MPST: variants seen among roughly 807,000 people sequenced by gnomAD.
The protein encoded by MPST is mercaptopyruvate sulfurtransferase.
In MPST, 27 loss-of-function variants were observed where a neutral mutation model predicts 28.5. The ratio of observed to expected loss-of-function variants is 0.95; its 90% CI spans 0.70 to 1.31. The LOEUF is 1.31. Ranked by LOEUF, MPST falls within the 50% of genes most tolerant of loss-of-function variation. The pLI, the probability that MPST is intolerant of heterozygous loss-of-function variation, is 0.00. For missense variants in MPST, 492 were observed against 471.1 expected, an observed-to-expected ratio of 1.04 and a Z score of -0.41; for synonymous variants, 204 against 209.3, an observed-to-expected ratio of 0.97 and a Z score of 0.22.
intron 1 of MPST, among the ~76,000 whole-genome samples, chr22:37,022,883 G>T (rs566842173): frequency 6.6e-6 from 1 of 152,232 alleles, no homozygotes; most frequent in African/African-American, 2.4e-5. Context: ...GTGCCCTGGT[G>T]GGGGCTCAGC....
chr22:37,025,118 A>T, intron 2 of MPST: 1 of 1,438,566 alleles, frequency 7.0e-7, no homozygotes, highest in Admixed American at 2.1e-5. Flanking sequence ...TTTAAAGGCC[A>T]CTGCATGAGG....
At chr22:37,024,080 C>T in intron 1 of MPST, 112 bp from the exon 2 acceptor site, 1 of 1,263,588 alleles carries the variant, frequency 7.9e-7, no homozygotes, top group Non-Finnish European at 1.0e-6. Flanking sequence ...CTGGACTCTG[C>T]CCTGCACGGG....
intron 2 of MPST, 132 bp from the exon 3 acceptor site, chr22:37,029,084 T>A (rs1923712582): frequency 1.2e-6 from 1 of 826,760 alleles, no homozygotes; most frequent in Admixed American, 2.9e-5. Context: ...GAGAATTAAA[T>A]GAGATGGTGG....
rs1192903997 is a variant in MPST, at chr22:37,019,794, G to A, written c.-43G>A. The A allele has an allele frequency of 1.0e-4, 105 of 1,042,060 alleles. No homozygotes were observed. Among genetic ancestry groups the A allele is most frequent in the South Asian group, 4.9e-5 (1 of 20,586 alleles). 64.6% of individuals were successfully genotyped at this position (1,042,060 alleles called of 1,614,324 possible). On this transcript the variant is annotated 5_prime_UTR_variant, in exon 1 of 3. Coordinates refer to ENST00000429360, the MANE Select transcript of MPST (RefSeq NM_021126.8). ...CTGCAGGTTGGTGGCGGGAGGAGGG[G>A]ACAGCTGCGGGCGCGGGGAGGGGGC...
rs1309014929 is a variant in MPST at position 37,025,081 on chromosome 22, A to T, written c.655+271A>T. The T allele has an allele frequency of 4.0e-6, 6 of 1,499,398 alleles. No individual in the cohort carries two copies. The Admixed American group carries it at 1.2e-4, about 30-fold the overall frequency. The allele number at this position is 1,499,398 out of a possible 1,614,324, so 92.9% of individuals were successfully genotyped here. ...AGCCTCAACCTCCTGGGCTCAGGTG[A>T]CCCTCCCCGCTCAGCCTGACCTTGC... On this transcript the variant is annotated intron_variant, in intron 2 of 2. Coordinates refer to ENST00000429360, the MANE Select transcript of MPST (RefSeq NM_021126.8).
intron 2 of MPST, chr22:37,026,112 C>T (rs1436612573): frequency 6.6e-6 from 1 of 152,214 alleles, no homozygotes; most frequent in African/African-American, 2.4e-5. Flanking sequence ...CTAATGAGAG[C>T]ACCACCTTAA....
chr22:37,028,385 T>C (rs1568970866), intron 2 of MPST: 1 of 151,796 alleles, frequency 6.6e-6, no homozygotes, highest in Non-Finnish European at 1.5e-5. Flanking sequence ...ATACAAAAAT[T>C]AGCCAGGTGT....
chr22:37,021,713 C>T (rs912100542), intron 1 of MPST, among the ~76,000 whole-genome samples: 7 of 152,092 alleles, frequency 4.6e-5, no homozygotes, highest in Admixed American at 1.3e-4. Context: ...CCTCGTTATC[C>T]GCCCGCCTTG....
chr22:37,023,936 C>A, intron 1 of MPST: 2 of 1,523,742 alleles, frequency 1.3e-6, no homozygotes, highest in Non-Finnish European at 1.8e-6. Context: ...AGGTGAGGGG[C>A]GTGGCCTGGG....
chr22:37,024,064 C>T, intron 1 of MPST, 128 bp from the exon 2 acceptor site: 3 of 1,252,686 alleles, frequency 2.4e-6, no homozygotes, highest in Non-Finnish European at 3.1e-6. Context: ...CTGGTTTCTG[C>T]GTTCCCTGGA....
At position 37,029,587 on chromosome 22, in the gene MPST, G is replaced by A; in HGVS notation, c.*73G>A. 1 of 1,419,224 alleles carries A rather than the reference G, an allele frequency of 7.0e-7. No individual in the cohort carries two copies. The allele number at this position is 1,419,224 out of a possible 1,614,324, so 87.9% of individuals were successfully genotyped here. Reference sequence around the variant, plus strand: ...TGCCTGGCCTGGTAGCTCCGCTTCTGCTTTCACCAAGAGAGTGTTTCTTCA... The same window carrying A: ...TGCCTGGCCTGGTAGCTCCGCTTCTACTTTCACCAAGAGAGTGTTTCTTCA... On this transcript the variant is annotated 3_prime_UTR_variant, in exon 3 of 3. Coordinates refer to ENST00000429360, the MANE Select transcript of MPST (RefSeq NM_021126.8).
In MPST at chr22:37,024,587, C is replaced by A; in HGVS notation, c.432C>A (p.Ala144=). The part of the protein sequence containing the change: ...WWMFRAFGHH[A]VSLLDGGLRH... ...TGTTCCGCGCCTTCGGCCACCACGC[C>A]GTGTCACTGCTTGATGGCGGCCTCC... The change falls in exon 2 of 3, where the codon GCC becomes GCA. Residue 144 remains alanine, a synonymous_variant. Transcript: ENST00000429360. The A allele has an allele frequency of 6.3e-7, 1 of 1,594,066 alleles. No individual in the cohort carries two copies. The highest frequency in any genetic ancestry group is 8.5e-7 in the Non-Finnish European group (1 of 1,177,126).
chr22:37,025,369 A>C, intron 2 of MPST: 1 of 298,720 alleles, frequency 3.3e-6, no homozygotes, highest in Non-Finnish European at 6.5e-6. Context: ...AGGGCTACCC[A>C]TGCCCCTGAG....
intron 2 of MPST, chr22:37,026,469 A>C (rs1467505377): frequency 6.6e-6 from 1 of 152,206 alleles, no homozygotes; most frequent in Non-Finnish European, 1.5e-5. Flanking sequence ...GTCAAAACAA[A>C]CTAAGCTCAC....
Position 37,029,283 on chromosome 22 carries a change from G to C in MPST, c.723G>C (p.Gly241=). ...IPFTDFLSQE[G]LEKSPEEIRH... is the part of the protein sequence containing the mutation. ...TCACAGACTTCCTGAGCCAGGAGGGGCTGGAGAAGAGCCCTGAGGAGATCC... is the reference window on the plus strand; with the variant it reads ...TCACAGACTTCCTGAGCCAGGAGGGCCTGGAGAAGAGCCCTGAGGAGATCC... The change falls in exon 3 of 3, where the codon GGG becomes GGC. Residue 241 remains glycine (G), a synonymous_variant. Coordinates refer to ENST00000429360, the MANE Select transcript of MPST (RefSeq NM_021126.8). 6.2e-7 allele frequency: 1 copy of C among 1,614,190 alleles called. No homozygotes were observed. The highest frequency in any genetic ancestry group is 8.5e-7 in the Non-Finnish European group (1 of 1,180,038).
At chr22:37,028,931 C>T in intron 2 of MPST, 1 of 413,110 alleles carries the variant, frequency 2.4e-6, no homozygotes, top group Non-Finnish European at 4.4e-6. Context: ...GGTGCATAGT[C>T]AGGAAACCTT....
At chr22:37,022,655 G>A (rs1302875552) in intron 1 of MPST, among the ~76,000 whole-genome samples, 1 of 152,238 alleles carries the variant, frequency 6.6e-6, no homozygotes, top group Non-Finnish European at 1.5e-5. Context: ...CTAATTGCCA[G>A]TGGCCTCATT....
intron 1 of MPST, among the ~76,000 whole-genome samples, chr22:37,022,401 C>T (rs954542137): frequency 4.6e-5 from 7 of 152,218 alleles, no homozygotes; most frequent in African/African-American, 1.4e-4. Flanking sequence ...ACGTTTCCCC[C>T]CAGGGCTTGG....
chr22:37,029,135 A>G (rs1415608505), intron 2 of MPST, 81 bp from the exon 3 acceptor site: 4 of 1,302,652 alleles, frequency 3.1e-6, no homozygotes, highest in Non-Finnish European at 4.2e-6. Flanking sequence ...GGATGCTCTC[A>G]ATATCTCGAG....
Sources: allele counts gnomAD v4.1 joint callset (sites outside exome capture counted in the v4.1 genomes callset), GRCh38; gene constraint gnomAD v4.1.1; transcripts MANE v1.5; gene names NCBI Gene and HGNC (gene_info 2026-07-23, HGNC 2026-07-21).